The following APOB variants were observed in gnomAD, a reference collection of about 807,000 sequenced individuals.
APOB encodes the protein apolipoprotein B-100.
APOB carries 153 observed loss-of-function variants against 314.1 expected under a neutral mutation model. That is an observed-to-expected ratio of 0.49 (90% CI 0.43 to 0.56). The LOEUF is 0.56. APOB is among the 20% of genes least tolerant of loss of function. APOB has a pLI of 0.00. For synonymous variants in APOB, 2,087 were observed against 2,036.4 expected (o/e 1.02, Z -0.67); for missense variants, 5,430 against 5,350.7 (o/e 1.01, Z -0.46).
In APOB at chr2:21,002,490, T is replaced by G. The variant is rs1663012254; in HGVS notation, c.12932A>C (p.Glu4311Ala). 1 of 1,612,034 alleles carries G rather than the reference T, an allele frequency of 6.2e-7. No individual in the cohort carries two copies. The highest frequency in any genetic ancestry group is 8.5e-7 in the Non-Finnish European group (1 of 1,178,494). ...CTCTTTCAGCTGTTTAATGTTATCTTCTATTAGTTGGAAAATGAATTGTAA... is the reference window on the plus strand; with the variant it reads ...CTCTTTCAGCTGTTTAATGTTATCTGCTATTAGTTGGAAAATGAATTGTAA... Reference protein sequence around the residue: ...DLLQFIFQLIEDNIKQLKEMK... With the variant: ...DLLQFIFQLIADNIKQLKEMK... Residue 4311 changes from glutamate (E) to alanine (A), a missense_variant, in exon 29 of 29, where the codon GAA (glutamate) becomes GCA (alanine). By Grantham distance (107) the Glu-to-Ala change is moderately radical. This residue lies in a region of APOB where 3,281 missense variants were observed against 3,171.0 expected (regional missense o/e 1.03). Transcript: ENST00000233242.
chr2:21,008,143 C>T lies in APOB; in HGVS notation c.8725G>A (p.Glu2909Lys), dbSNP rs200824333. ...CCAGCTTTCAACAGTGTCTTGATCTCGTTGCGCAGGTCAGCCTGACTAGAG... is the reference window on the plus strand; with the variant it reads ...CCAGCTTTCAACAGTGTCTTGATCTTGTTGCGCAGGTCAGCCTGACTAGAG... ...DFSSQADLRN[E>K]IKTLLKAGHI... Residue 2909 changes from glutamate (E) to lysine (K), a missense_variant, in exon 26 of 29, where the codon GAG becomes AAG. By Grantham distance (56) the Glu-to-Lys change is moderately conservative. Coordinates refer to ENST00000233242, the MANE Select transcript of APOB (RefSeq NM_000384.3). The T allele has an allele frequency of 8.7e-6, 14 of 1,613,998 alleles. No homozygotes were observed. The highest frequency in any genetic ancestry group is 6.7e-5 in the East Asian group (3 of 44,876).
rs996130907 is a variant in APOB, at chr2:21,023,383, T to C, written c.2604+142A>G. ...GCATTCTGGTGGAAGCTTGAAGTTT[T>C]TCATAAAAAAATAATGAGGTGATTA... is the stretch of plus-strand genomic sequence containing the variant. On this transcript the variant is annotated intron_variant, in intron 17 of 28. Coordinates refer to ENST00000233242, the MANE Select transcript of APOB (RefSeq NM_000384.3). The C allele has an allele frequency of 2.6e-5, 27 of 1,026,434 alleles. No individual in the cohort carries two copies. The East Asian group carries it at 6.6e-4, about 25-fold the overall frequency. The allele number at this position is 1,026,434 out of a possible 1,614,324, so 63.6% of individuals were successfully genotyped here.
Position 21,007,685 on chromosome 2 carries a change from T to C in APOB, c.9183A>G (p.Pro3061=). 1 of 1,614,134 alleles carries C rather than the reference T, an allele frequency of 6.2e-7. No homozygotes were observed. Among genetic ancestry groups the C allele is most frequent in the Non-Finnish European group, 8.5e-7 (1 of 1,179,970 alleles). The change falls in exon 26 of 29, where the codon CCA becomes CCG. Residue 3061 remains proline, a synonymous_variant. Coordinates refer to ENST00000233242, the MANE Select transcript of APOB (RefSeq NM_000384.3). Reference sequence around the variant, plus strand: ...AGTCTATCTTCCCTGTTAACCTTAATGGAAAACGAACTTTCAAATTCCCTT... The same window carrying C: ...AGTCTATCTTCCCTGTTAACCTTAACGGAAAACGAACTTTCAAATTCCCTT... ...NNEGNLKVRF[P]LRLTGKIDFL...
At position 21,009,081 on chromosome 2, in the gene APOB, G is replaced by A; in HGVS notation, c.7787C>T (p.Thr2596Ile). ...AAGACTGACTTCAAAGGCAGGCATGGTCCCAAGGATGGTCTTGATTTCAGG... is the reference window on the plus strand; with the variant it reads ...AAGACTGACTTCAAAGGCAGGCATGATCCCAAGGATGGTCTTGATTTCAGG... ...TVPEIKTILG[T>I]MPAFEVSLQA... The change falls in exon 26 of 29, where the codon ACC becomes ATC. Residue 2596 changes from threonine to isoleucine, a missense_variant. Thr to Ile is a moderately conservative substitution (Grantham distance 89). Around this residue, in one of 3 missense-constraint regions of APOB, gnomAD observed 3,281 missense variants for 3,171.0 expected, o/e 1.03. Transcript: ENST00000233242. 1.2e-6 allele frequency: 2 copies of A among 1,614,078 alleles called. No individual in the cohort carries two copies. The highest frequency in any genetic ancestry group is 1.7e-6 in the Non-Finnish European group (2 of 1,179,952).
rs1664021398 is a variant in APOB at position 21,037,130 on chromosome 2, G to T, written c.663C>A (p.Gly221=). Residue 221 remains glycine, a synonymous_variant, in exon 6 of 29, where the codon GGC becomes GGA. Transcript: ENST00000233242. ...CTTTGATGAGAGCAAGTGGGCTGATGCCTGTGCGGATGGGCTTGAAGCGAT... is the reference window on the plus strand; with the variant it reads ...CTTTGATGAGAGCAAGTGGGCTGATTCCTGTGCGGATGGGCTTGAAGCGAT... The part of the protein sequence containing the change: ...QCDRFKPIRT[G]ISPLALIKGM... The T allele has an allele frequency of 6.2e-7, 1 of 1,614,100 alleles. No individual in the cohort carries two copies. Among genetic ancestry groups the T allele is most frequent in the Non-Finnish European group, 8.5e-7 (1 of 1,180,054 alleles).
chr2:21,005,761 G>A lies in APOB; in HGVS notation c.11107C>T (p.Arg3703Cys), dbSNP rs777896608. 15 of 1,613,952 alleles carry A rather than the reference G, an allele frequency of 9.3e-6. No individual in the cohort carries two copies. The East Asian group carries it at 2.5e-4, about 26-fold the overall frequency. ...TTSIGRRQHL[R>C]VSTAFVYTKN... ...GTGTACACAAAGGCAGTTGAAACAC[G>A]AAGATGCTGTCTCCTACCAATGCTG... Residue 3703 changes from arginine (R) to cysteine (C), a missense_variant, in exon 26 of 29, where the codon CGT (arginine) becomes TGT (cysteine). Coordinates refer to ENST00000233242, the MANE Select transcript of APOB (RefSeq NM_000384.3).
chr2:21,038,142 G>C, intron 4 of APOB, 31 bp from the exon 5 acceptor site: 1 of 1,612,722 alleles, frequency 6.2e-7, no homozygotes, highest in South Asian at 1.1e-5. Context: ...TCACGGAAAT[G>C]TCCTTCTCCA....
At chr2:21,037,476 C>T (rs997858818) in intron 5 of APOB, among the ~76,000 whole-genome samples, 2 of 152,098 alleles carry the variant, frequency 1.3e-5, no homozygotes, top group East Asian at 1.9e-4. Flanking sequence ...GAAAGGCCTC[C>T]GCAGGTTGCA....
intron 20 of APOB, among the ~76,000 whole-genome samples, chr2:21,016,916 G>A (rs1421534515): frequency 2.0e-5 from 3 of 151,704 alleles, no homozygotes; most frequent in Admixed American, 1.3e-4. Context: ...CCCGGGAGGC[G>A]GGGCTTGCAG....
chr2:21,041,333 T>C (rs946381682), intron 3 of APOB, among the ~76,000 whole-genome samples: 2 of 152,202 alleles, frequency 1.3e-5, no homozygotes, highest in African/African-American at 2.4e-5. Context: ...CCCCTAGGCA[T>C]GGGAAGGAGG....
Position 21,043,497 on chromosome 2 carries a change from T to G in APOB, c.121+16A>C. 2 of 1,599,358 alleles carry G rather than the reference T, an allele frequency of 1.3e-6. No individual in the cohort carries two copies. The highest frequency in any genetic ancestry group is 1.7e-6 in the Non-Finnish European group (2 of 1,172,894). ...GGGCTGGGCGCCCTTCCACGCCCCA[T>G]GCGCAGATGCCTTACTTGGACAGAC... is the stretch of plus-strand genomic sequence containing the variant. On this transcript the variant is annotated intron_variant, in intron 2 of 28. Transcript: ENST00000233242.
At chr2:21,019,667 G>A (rs1405185279) in intron 19 of APOB, 56 bp downstream of exon 19, 3 of 1,549,086 alleles carry the variant, frequency 1.9e-6, no homozygotes, top group East Asian at 2.2e-5. Flanking sequence ...GCCATGCTAG[G>A]TGGCCATGAT....
Position 21,001,955 on chromosome 2 carries a change from A to G in APOB, c.13467T>C (p.Ser4489=). 1 of 1,614,076 alleles carries G rather than the reference A, an allele frequency of 6.2e-7. No homozygotes were observed. Among genetic ancestry groups the G allele is most frequent in the African/African-American group, 1.3e-5 (1 of 75,042 alleles). The change falls in exon 29 of 29, where the codon TCT becomes TCC. Residue 4489 remains serine (S), a synonymous_variant. Transcript: ENST00000233242. ...SQAIATKKII[S]DYHQQFRYKL... The stretch of plus-strand genomic sequence containing the variant: ...TATATCTAAACTGCTGGTGGTAATC[A>G]GAAATTATTTTCTTCGTCGCAATGG...
Position 21,002,890 on chromosome 2 carries a change from C to T in APOB, c.12532G>A (p.Val4178Ile), listed in dbSNP as rs775384365. Residue 4178 changes from valine (V) to isoleucine (I), a missense_variant, in exon 29 of 29, where the codon GTT (valine) becomes ATT (isoleucine). Transcript: ENST00000233242. ...KDNVFDGLVR[V>I]TQEFHMKVKH... Reference sequence around the variant, plus strand: ...ACTTTCATATGGAATTCTTGAGTAACTCGTACCAAGCCATCAAACACGTTA... The same window carrying T: ...ACTTTCATATGGAATTCTTGAGTAATTCGTACCAAGCCATCAAACACGTTA... 3 of 1,613,580 alleles carry T rather than the reference C, an allele frequency of 1.9e-6. No individual in the cohort carries two copies. The Admixed American group carries it at 5.0e-5, about 27-fold the overall frequency.
chr2:21,027,306 A>ATTTTTT lies in APOB; in HGVS notation c.2068-348_2068-343dup, dbSNP rs71391771. ...TTAAAGACGAGACATTTGCATTTCA[A>ATTTTTT]TTTTTTTTTTTTTTTTTTTTTTTGA... On this transcript the variant is annotated intron_variant, in intron 14 of 28. Coordinates refer to ENST00000233242, the MANE Select transcript of APOB (RefSeq NM_000384.3). Among the ~76,000 whole-genome samples the ATTTTTT allele has an allele frequency of 4.4e-3, 469 of 105,866 alleles. 11 individuals are homozygous for ATTTTTT. Among genetic ancestry groups the ATTTTTT allele is most frequent in the Non-Finnish European group, 7.1e-3 (383 of 53,902 alleles). The allele number at this position is 105,866 out of a possible 152,430, so 69.5% of individuals were successfully genotyped here.
At chr2:21,030,994 A>G (rs1663864482) in intron 10 of APOB, among the ~76,000 whole-genome samples, 1 of 152,254 alleles carries the variant, frequency 6.6e-6, no homozygotes, top group African/African-American at 2.4e-5. Context: ...ACAGTTAATC[A>G]CTGTTGATGG....
In APOB at chr2:21,001,822, A is replaced by G; in HGVS notation, c.13600T>C (p.Tyr4534His). 6.2e-7 allele frequency: 1 copy of G among 1,614,086 alleles called. No individual in the cohort carries two copies. Among genetic ancestry groups the G allele is most frequent in the Non-Finnish European group, 8.5e-7 (1 of 1,179,960 alleles). ...SIQNYHTFLI[Y>H]ITELLKKLQS... ...AGCTTTTTCAGTAACTCCGTGATGT[A>G]TATCAGAAATGTGTGGTAGTTTTGA... is the stretch of plus-strand genomic sequence containing the variant. Residue 4534 changes from tyrosine (Y) to histidine (H), a missense_variant, in exon 29 of 29, where the codon TAC (tyrosine) becomes CAC (histidine). By Grantham distance (83) the Tyr-to-His change is moderately conservative. This residue lies in a region of APOB where 3,281 missense variants were observed against 3,171.0 expected (regional missense o/e 1.03). Coordinates refer to ENST00000233242, the MANE Select transcript of APOB (RefSeq NM_000384.3).
chr2:21,006,819 A>T lies in APOB; in HGVS notation c.10049T>A (p.Leu3350Gln), dbSNP rs756338430. The change falls in exon 26 of 29, where the codon CTG becomes CAG. Residue 3350 changes from leucine (L) to glutamine (Q), a missense_variant. Physicochemically the swap from Leu to Gln is moderately radical, Grantham distance 113 (BLOSUM62 -2). Coordinates refer to ENST00000233242, the MANE Select transcript of APOB (RefSeq NM_000384.3). ...GTTAAAAAGTTCAGCATTGGTATTC[A>T]GTGTGATGACACTTGATTTAAAGGA... ...DFSFKSSVIT[L>Q]NTNAELFNQS... is the part of the protein sequence containing the mutation. The T allele has an allele frequency of 1.9e-6, 3 of 1,614,022 alleles. No homozygotes were observed. The highest frequency in any genetic ancestry group is 2.5e-6 in the Non-Finnish European group (3 of 1,179,982).
chr2:21,034,499 G>T (rs190125008), intron 8 of APOB, among the ~76,000 whole-genome samples: 3 of 152,302 alleles, frequency 2.0e-5, no homozygotes, highest in Non-Finnish European at 4.4e-5. Context: ...CTCCCACTTG[G>T]TCCACCTCGT....
Sources: allele counts gnomAD v4.1 joint callset (sites outside exome capture counted in the v4.1 genomes callset), GRCh38; gene constraint gnomAD v4.1.1; regional missense constraint gnomAD v4.1.1; transcripts MANE v1.5; gene names NCBI Gene and HGNC (gene_info 2026-07-23, HGNC 2026-07-21).